CBX5: variants seen among roughly 807,000 people sequenced by gnomAD.
CBX5 encodes chromobox 5, also known as chromobox protein homolog 5.
In CBX5, 7 loss-of-function variants were observed where a neutral mutation model predicts 20.7. That is an observed-to-expected ratio of 0.34 (90% CI 0.19 to 0.63). The LOEUF (loss-of-function observed/expected upper bound fraction) is 0.63, where lower values mean the gene tolerates loss of function less well. Ranked by LOEUF, CBX5 falls within the 30% of genes least tolerant of loss-of-function variation. The probability of loss-of-function intolerance (pLI) is 0.75; values close to 1 mark genes in which losing one functional copy is unlikely to be tolerated. For missense variants in CBX5, 110 were observed against 224.1 expected (o/e 0.49, Z 3.25); for synonymous variants, 78 against 77.0 (o/e 1.01, Z -0.07).
chr12:54,250,381 G>A (rs1943782805), intron 3 of CBX5, among the ~76,000 whole-genome samples: 1 of 152,086 alleles, frequency 6.6e-6, no homozygotes, highest in South Asian at 2.1e-4. Context: ...ATGCACTCCA[G>A]CCTGAGTGAC....
chr12:54,245,086 A>G (rs1739679181), intron 4 of CBX5, among the ~76,000 whole-genome samples: 1 of 151,498 alleles, frequency 6.6e-6, no homozygotes, highest in Non-Finnish European at 1.5e-5. Context: ...ATCTCAGCTC[A>G]TTGCAACCTC....
Position 54,241,676 on chromosome 12 carries a change from A to G in CBX5, c.*79T>C. On this transcript the variant is annotated 3_prime_UTR_variant, in exon 5 of 5. Coordinates refer to ENST00000209875, the MANE Select transcript of CBX5 (RefSeq NM_012117.3). ...TTTTATGGATGTGTTTAGGATAGAAAGGGGTGGGTAGAAAGGAGAGGAGGC... is the reference window on the plus strand; with the variant it reads ...TTTTATGGATGTGTTTAGGATAGAAGGGGGTGGGTAGAAAGGAGAGGAGGC... 2 of 1,363,362 alleles carry G rather than the reference A, an allele frequency of 1.5e-6. No homozygotes were observed. Among genetic ancestry groups the G allele is most frequent in the Non-Finnish European group, 1.0e-6 (1 of 989,666 alleles). The allele number at this position is 1,363,362 out of a possible 1,614,324, so 84.5% of individuals were successfully genotyped here.
intron 1 of CBX5, among the ~76,000 whole-genome samples, chr12:54,275,299 G>A (rs1001231471): frequency 1.3e-5 from 2 of 152,036 alleles, no homozygotes; most frequent in Non-Finnish European, 2.9e-5. Flanking sequence ...CTGGAGTACA[G>A]TGGTGCAATC....
chr12:54,246,713 G>A (rs1592155175), intron 3 of CBX5, among the ~76,000 whole-genome samples: 1 of 151,166 alleles, frequency 6.6e-6, no homozygotes, highest in South Asian at 2.1e-4. Context: ...CCCGGGATGC[G>A]GAGGTTGCAG....
In CBX5 at chr12:54,252,062, G is replaced by C; in HGVS notation, c.303C>G (p.Ile101Met). Residue 101 changes from isoleucine to methionine, a missense_variant, in exon 3 of 5, where the codon ATC becomes ATG. Physicochemically the swap from Ile to Met is conservative, Grantham distance 10. Coordinates refer to ENST00000209875, the MANE Select transcript of CBX5 (RefSeq NM_012117.3). ...TTACCTCTCTCTTTTTTTTAGATTT[G>C]ATGTCATCGGCACTGTTTGAGAAAT... is the stretch of plus-strand genomic sequence containing the variant. ...KSNFSNSADD[I>M]KSKKKREQSN... is the part of the protein sequence containing the mutation. 3 of 1,584,230 alleles carry C rather than the reference G, an allele frequency of 1.9e-6. No homozygotes were observed. The highest frequency in any genetic ancestry group is 2.6e-6 in the Non-Finnish European group (3 of 1,169,906).
chr12:54,243,726 AGGTGTGGT>A (rs1389907836), intron 4 of CBX5, among the ~76,000 whole-genome samples: 5 of 151,888 alleles, frequency 3.3e-5, no homozygotes, highest in African/African-American at 1.2e-4. Context: ...AAAATTGCCC[AGGTGTGGT>A]GGCACATGCC....
chr12:54,276,247 A>G (rs1944066445), intron 1 of CBX5, among the ~76,000 whole-genome samples: 1 of 152,188 alleles, frequency 6.6e-6, no homozygotes, highest in South Asian at 2.1e-4. Context: ...TGATAAACCC[A>G]TCATAGGTTG....
chr12:54,245,162 C>T (rs1190098652), intron 4 of CBX5, among the ~76,000 whole-genome samples: 1 of 151,970 alleles, frequency 6.6e-6, no homozygotes, highest in African/African-American at 2.4e-5. Context: ...AGGCATGCGT[C>T]ACCACGCCCA....
At position 54,235,675 on chromosome 12, in the gene CBX5, C is replaced by T. The variant is rs1592151263; in HGVS notation, c.*6080G>A. 1 of 152,178 alleles carries T rather than the reference C, an allele frequency of 6.6e-6. No homozygotes were observed. The highest frequency in any genetic ancestry group is 1.5e-5 in the Non-Finnish European group (1 of 68,030). The allele number at this position is 152,178 out of a possible 1,614,324, so 9.4% of individuals were successfully genotyped here. A position where few individuals can be genotyped will look rare whatever the true frequency, so the allele number is the denominator to read the frequency against. ...AAAACTGCACTGCTCAGAGTAGATG[C>T]TCAGGTATTAACAGATGTGCTCCAA... On this transcript the variant is annotated 3_prime_UTR_variant, in exon 5 of 5. Coordinates refer to ENST00000209875, the MANE Select transcript of CBX5 (RefSeq NM_012117.3).
rs553149902 is a variant in CBX5, at chr12:54,232,664, T to C, written c.*9091A>G. ...GCAGGATACACCTCATTCCACAAACTAGATTAATTCAATAACTGAAGGGTA... is the reference window on the plus strand; with the variant it reads ...GCAGGATACACCTCATTCCACAAACCAGATTAATTCAATAACTGAAGGGTA... On this transcript the variant is annotated 3_prime_UTR_variant, in exon 5 of 5. Coordinates refer to ENST00000209875, the MANE Select transcript of CBX5 (RefSeq NM_012117.3). The C allele has an allele frequency of 6.6e-6, 1 of 151,932 alleles. No individual in the cohort carries two copies. The highest frequency in any genetic ancestry group is 1.9e-4 in the East Asian group (1 of 5,192). 9.4% of individuals were successfully genotyped at this position (151,932 alleles called of 1,614,324 possible).
intron 3 of CBX5, among the ~76,000 whole-genome samples, chr12:54,250,694 A>C (rs1317572728): frequency 6.8e-6 from 1 of 147,054 alleles, no homozygotes; most frequent in African/African-American, 2.5e-5. Flanking sequence ...AGTCCCAGCT[A>C]CTCGGGAGGC....
At chr12:54,264,221 G>T (rs571272180) in intron 1 of CBX5, among the ~76,000 whole-genome samples, 1 of 152,114 alleles carries the variant, frequency 6.6e-6, no homozygotes, top group South Asian at 2.1e-4. Flanking sequence ...GCAGTGGTGC[G>T]GACAGTTTAT....
chr12:54,235,880 G>C lies in CBX5; in HGVS notation c.*5875C>G, dbSNP rs1191369367. On this transcript the variant is annotated 3_prime_UTR_variant, in exon 5 of 5. Coordinates refer to ENST00000209875, the MANE Select transcript of CBX5 (RefSeq NM_012117.3). ...GAACCCACAATAATGTAACACAACT[G>C]AATCTGCAACATAGTTAATGCTTTC... The C allele has an allele frequency of 6.6e-6, 1 of 152,202 alleles. No homozygotes were observed. Among genetic ancestry groups the C allele is most frequent in the Non-Finnish European group, 1.5e-5 (1 of 68,038 alleles). 9.4% of individuals were successfully genotyped at this position (152,202 alleles called of 1,614,324 possible).
At chr12:54,255,623 T>C (rs1943856142) in intron 2 of CBX5, 1 of 151,948 alleles carries the variant, frequency 6.6e-6, no homozygotes, top group Non-Finnish European at 1.5e-5. Context: ...ATTAAAGTTT[T>C]GAAAGAGGCA....
At chr12:54,276,419 AT>A (rs1944068691) in intron 1 of CBX5, among the ~76,000 whole-genome samples, 1 of 152,218 alleles carries the variant, frequency 6.6e-6, no homozygotes. Context: ...TGAATATCTC[AT>A]GTAATTGGTT....
chr12:54,268,602 GATT>G (rs1345478009), intron 1 of CBX5, among the ~76,000 whole-genome samples: 2 of 152,144 alleles, frequency 1.3e-5, no homozygotes, highest in African/African-American at 4.8e-5. Flanking sequence ...AAAATTGGTT[GATT>G]ATGAGATATT....
At chr12:54,271,324 C>T (rs1341585135) in intron 1 of CBX5, among the ~76,000 whole-genome samples, 1 of 151,908 alleles carries the variant, frequency 6.6e-6, no homozygotes, top group African/African-American at 2.4e-5. Context: ...TCTGTTATTT[C>T]CTTTTTCTTT....
intron 3 of CBX5, among the ~76,000 whole-genome samples, chr12:54,246,842 G>A (rs1426028907): frequency 6.6e-6 from 1 of 150,920 alleles, no homozygotes; most frequent in Non-Finnish European, 1.5e-5. Flanking sequence ...TCAACATCTA[G>A]GAACTCCTCT....
chr12:54,265,369 T>C (rs2137027151), intron 1 of CBX5, among the ~76,000 whole-genome samples: 1 of 152,370 alleles, frequency 6.6e-6, no homozygotes, highest in East Asian at 1.9e-4. Context: ...AAATATCCCC[T>C]ATAAAGATGT....
Sources: gnomAD v4.1 joint callset for allele counts (sites outside exome capture counted in the v4.1 genomes callset) on GRCh38, gnomAD v4.1.1 for gene constraint, MANE v1.5 for transcripts, NCBI Gene and HGNC (gene_info 2026-07-23, HGNC 2026-07-21) for gene names.